KCNH8: variants seen among roughly 807,000 people sequenced by gnomAD.
The protein encoded by KCNH8 is potassium voltage-gated channel subfamily H member 8, also known as voltage-gated delayed rectifier potassium channel KCNH8.
A neutral mutation model predicts 103.6 loss-of-function variants in KCNH8; 70 were observed. The observed-to-expected ratio is 0.68, with a 90% CI of 0.56 to 0.82. The LOEUF (loss-of-function observed/expected upper bound fraction) is 0.82, where lower values mean the gene tolerates loss of function less well. KCNH8 is among the 40% of genes least tolerant of loss of function. The pLI is 0.00. For missense variants in KCNH8, 1,217 were observed against 1,329.9 expected, an observed-to-expected ratio of 0.92 and a Z score of 1.32; for synonymous variants, 498 against 489.4, an observed-to-expected ratio of 1.02 and a Z score of -0.23.
At chr3:19,249,705 T>C (rs964176949) in intron 1 of KCNH8, among the ~76,000 whole-genome samples, 1 of 152,146 alleles carries the variant, frequency 6.6e-6, no homozygotes, top group Non-Finnish European at 1.5e-5. Context: ...ATTAAATATG[T>C]CCTAAATATT....
chr3:19,448,275 T>A (rs1402596995), intron 8 of KCNH8, among the ~76,000 whole-genome samples: 1 of 151,972 alleles, frequency 6.6e-6, no homozygotes. Context: ...ACCTACCAAG[T>A]TCACACAATT....
At chr3:19,298,839 G>A (rs996401868) in intron 3 of KCNH8, among the ~76,000 whole-genome samples, 18 of 150,834 alleles carry the variant, frequency 1.2e-4, no homozygotes, top group African/African-American at 1.7e-4. Flanking sequence ...GGGGAATGGC[G>A]TGAACCCGGG....
chr3:19,521,172 T>C (rs781329899), intron 15 of KCNH8, among the ~76,000 whole-genome samples: 13 of 152,004 alleles, frequency 8.6e-5, no homozygotes, highest in Non-Finnish European at 1.0e-4. Flanking sequence ...TTCTCATTTC[T>C]GAAATCTGGC....
At chr3:19,527,119 A>C (rs1294035109) in intron 15 of KCNH8, among the ~76,000 whole-genome samples, 1 of 152,016 alleles carries the variant, frequency 6.6e-6, no homozygotes, top group East Asian at 1.9e-4. Context: ...TTGGACTTGA[A>C]ATACAGGACC....
intron 5 of KCNH8, among the ~76,000 whole-genome samples, chr3:19,357,679 A>G (rs1193357054): frequency 6.6e-6 from 1 of 151,900 alleles, no homozygotes; most frequent in Non-Finnish European, 1.5e-5. Context: ...ATTATGCCAT[A>G]AAGTTGTATC....
At chr3:19,426,960 T>A (rs1482861959) in intron 7 of KCNH8, among the ~76,000 whole-genome samples, 1 of 152,204 alleles carries the variant, frequency 6.6e-6, no homozygotes, top group Non-Finnish European at 1.5e-5. Flanking sequence ...TTCAGATTTA[T>A]CCATGGTTTT....
At chr3:19,393,747 T>A (rs906027370) in intron 6 of KCNH8, among the ~76,000 whole-genome samples, 14 of 152,016 alleles carry the variant, frequency 9.2e-5, no homozygotes, top group Admixed American at 7.2e-4. Flanking sequence ...CACAGGAGAA[T>A]GACAAAAAGA....
chr3:19,414,193 G>A (rs374159704), intron 7 of KCNH8, among the ~76,000 whole-genome samples: 70 of 152,064 alleles, frequency 4.6e-4, no homozygotes, highest in South Asian at 1.2e-3. Context: ...TTTGTTGTTC[G>A]ATTCAAAAGT....
chr3:19,326,115 A>C (rs964915444), intron 3 of KCNH8, among the ~76,000 whole-genome samples: 1 of 152,070 alleles, frequency 6.6e-6, no homozygotes, highest in Non-Finnish European at 1.5e-5. Context: ...GTTCTTACTC[A>C]TAAGTGGGAG....
chr3:19,171,214 G>A (rs929056566), intron 1 of KCNH8, among the ~76,000 whole-genome samples: 1 of 151,886 alleles, frequency 6.6e-6, no homozygotes, highest in Non-Finnish European at 1.5e-5. Context: ...TATATATTTT[G>A]TGAGCAATAT....
At chr3:19,513,348 T>C in intron 13 of KCNH8, 23 bp downstream of exon 13, 1 of 1,554,622 alleles carries the variant, frequency 6.4e-7, no homozygotes, top group Non-Finnish European at 8.7e-7. Flanking sequence ...ATCATATAAC[T>C]TTCTCACGTG....
intron 1 of KCNH8, among the ~76,000 whole-genome samples, chr3:19,234,640 G>T (rs1193835986): frequency 1.3e-5 from 2 of 151,806 alleles, no homozygotes; most frequent in Non-Finnish European, 2.9e-5. Context: ...ACACCTTCCC[G>T]CAAGCTGAGG....
chr3:19,192,773 C>T (rs1035564927), intron 1 of KCNH8, among the ~76,000 whole-genome samples: 1 of 149,698 alleles, frequency 6.7e-6, no homozygotes, highest in Non-Finnish European at 1.5e-5. Context: ...TTTTAAACTT[C>T]CTATGGAGTT....
In KCNH8 at chr3:19,274,112, C is replaced by G. The variant is rs544394747; in HGVS notation, c.311-7086C>G. ...GAAGAGGATCATTCCCAGAATATTA[C>G]ATTAATAGTAAGGCAAAATTAGAAA... On this transcript the variant is annotated intron_variant, in intron 2 of 15. Transcript: ENST00000328405. Among the ~76,000 whole-genome samples the G allele has an allele frequency of 8.5e-5, 13 of 152,168 alleles. No homozygotes were observed. In the East Asian group the frequency reaches 2.3e-3, roughly 27 times the overall value.
intron 14 of KCNH8, among the ~76,000 whole-genome samples, chr3:19,515,784 C>T (rs763981382): frequency 8.7e-4 from 132 of 152,046 alleles, no homozygotes; most frequent in Non-Finnish European, 2.1e-4. Context: ...GTTGATTGTG[C>T]ACTGAAGGAA....
At chr3:19,483,063 T>C (rs1238171952) in intron 11 of KCNH8, among the ~76,000 whole-genome samples, 2 of 152,114 alleles carry the variant, frequency 1.3e-5, no homozygotes, top group Admixed American at 1.3e-4. Flanking sequence ...TTTATAACTA[T>C]GCTTCTCTTT....
At chr3:19,447,529 A>T (rs914370628) in intron 8 of KCNH8, among the ~76,000 whole-genome samples, 3 of 152,056 alleles carry the variant, frequency 2.0e-5, no homozygotes, top group African/African-American at 7.2e-5. Context: ...GTTAAAATAA[A>T]TGAAACAGAA....
intron 15 of KCNH8, among the ~76,000 whole-genome samples, chr3:19,527,494 A>G (rs1450877595): frequency 2.0e-5 from 3 of 152,054 alleles, no homozygotes; most frequent in Admixed American, 1.3e-4. Context: ...AATCCTCACA[A>G]CAAGGCCCTT....
intron 5 of KCNH8, among the ~76,000 whole-genome samples, chr3:19,377,037 T>G (rs751496258): frequency 2.0e-5 from 3 of 152,162 alleles, no homozygotes; most frequent in Non-Finnish European, 2.9e-5. Flanking sequence ...TGTGTATAAG[T>G]TGTCAATAGA....
Sources: gnomAD v4.1 joint callset for allele counts (sites outside exome capture counted in the v4.1 genomes callset) on GRCh38, gnomAD v4.1.1 for gene constraint, MANE v1.5 for transcripts, NCBI Gene and HGNC (gene_info 2026-07-23, HGNC 2026-07-21) for gene names.